Variants in MNAT1 observed in about 807,000 individuals in gnomAD.
MNAT1 encodes the protein CDK-activating kinase assembly factor MAT1.
A neutral mutation model predicts 42.0 loss-of-function variants in MNAT1; 43 were observed. The observed-to-expected ratio is 1.02, with a 90% CI of 0.80 to 1.32. MNAT1 has a LOEUF of 1.32. Among genes scored for constraint, MNAT1 ranks in the 40% most tolerant of loss-of-function variants. The pLI is 0.00. For synonymous variants in MNAT1, 118 were observed against 120.0 expected, an observed-to-expected ratio of 0.98 and a Z score of 0.11; for missense variants, 306 against 350.4, an observed-to-expected ratio of 0.87 and a Z score of 1.01.
intron 6 of MNAT1, among the ~76,000 whole-genome samples, chr14:60,878,877 G>C (rs2034489281): frequency 6.6e-6 from 1 of 152,162 alleles, no homozygotes; most frequent in South Asian, 2.1e-4. Flanking sequence ...GTCTGCAGCT[G>C]ATCTGGGTGC....
intron 6 of MNAT1, 84 bp from the exon 7 acceptor site, chr14:60,879,630 T>G: frequency 7.4e-7 from 1 of 1,350,572 alleles, no homozygotes; most frequent in Non-Finnish European, 1.0e-6. Context: ...GTGAGGAATT[T>G]AATTCATCTT....
chr14:60,780,211 G>C, intron 1 of MNAT1: 1 of 1,458,344 alleles, frequency 6.9e-7, no homozygotes, highest in Non-Finnish European at 9.6e-7. Context: ...GGTTATACAA[G>C]TGTTCAGTTC....
chr14:60,942,762 C>T (rs2036196289), intron 7 of MNAT1, among the ~76,000 whole-genome samples: 1 of 152,038 alleles, frequency 6.6e-6, no homozygotes, highest in African/African-American at 2.4e-5. Context: ...AAAATTAAAG[C>T]TTCTTTAACA....
At chr14:60,797,918 A>G (rs1288575089) in intron 2 of MNAT1, among the ~76,000 whole-genome samples, 169 bp from the exon 3 acceptor site, 2 of 152,222 alleles carry the variant, frequency 1.3e-5, no homozygotes, top group African/African-American at 4.8e-5. Context: ...CAACAGAGCA[A>G]GACTCCATCT....
At chr14:60,749,983 T>C (rs1440740440) in intron 1 of MNAT1, among the ~76,000 whole-genome samples, 1 of 152,198 alleles carries the variant, frequency 6.6e-6, no homozygotes, top group African/African-American at 2.4e-5. Context: ...ATTCCAAAAC[T>C]TACCTCATCC....
chr14:60,923,292 A>G (rs568196588), intron 7 of MNAT1, among the ~76,000 whole-genome samples: 12 of 152,148 alleles, frequency 7.9e-5, no homozygotes, highest in Non-Finnish European at 5.9e-5. Context: ...CCAGAATTTC[A>G]TTTCCAACAA....
At chr14:60,917,281 G>A (rs1014189799) in intron 7 of MNAT1, among the ~76,000 whole-genome samples, 1 of 117,250 alleles carries the variant, frequency 8.5e-6, no homozygotes, top group African/African-American at 3.1e-5. Context: ...GGAATTTTCA[G>A]TTTCTAACCC....
chr14:60,911,366 C>G (rs938568909), intron 7 of MNAT1, among the ~76,000 whole-genome samples: 4 of 152,106 alleles, frequency 2.6e-5, no homozygotes, highest in Non-Finnish European at 4.4e-5. Context: ...CTTCTGCTAG[C>G]TTTTGAATGT....
Position 60,835,327 on chromosome 14 carries a change from G to A in MNAT1, c.687+16480G>A, listed in dbSNP as rs138441752. ...GGTTATTTTGCCCGTTAGTTGAGCA[G>A]TTTCTTCATAGTGTTGATGGTCTTT... On this transcript the variant is annotated intron_variant, in intron 6 of 7. Coordinates refer to ENST00000261245, the MANE Select transcript of MNAT1 (RefSeq NM_002431.4). 1.6e-3 allele frequency among the ~76,000 whole-genome samples: 249 copies of A among 152,256 alleles called. 1 individual carries two copies. Among genetic ancestry groups the A allele is most frequent in the African/African-American group, 5.7e-3 (235 of 41,546 alleles).
chr14:60,817,693 T>A (rs2139362402), intron 5 of MNAT1, among the ~76,000 whole-genome samples: 1 of 152,190 alleles, frequency 6.6e-6, no homozygotes, highest in Non-Finnish European at 1.5e-5. Flanking sequence ...ATCTGTATGT[T>A]TGCTTTGTGC....
intron 7 of MNAT1, among the ~76,000 whole-genome samples, chr14:60,927,392 G>A (rs181216638): frequency 5.3e-5 from 8 of 152,214 alleles, no homozygotes; most frequent in Non-Finnish European, 7.4e-5. Context: ...CAAAGGTAAC[G>A]CATTTTAAAT....
chr14:60,763,285 T>C (rs922250904), intron 1 of MNAT1, among the ~76,000 whole-genome samples: 1 of 152,210 alleles, frequency 6.6e-6, no homozygotes, highest in Non-Finnish European at 1.5e-5. Context: ...GTTAGGACTT[T>C]TTAATAAATG....
intron 7 of MNAT1, among the ~76,000 whole-genome samples, chr14:60,931,154 T>C (rs987318478): frequency 2.6e-5 from 4 of 152,168 alleles, no homozygotes; most frequent in Admixed American, 2.6e-4. Flanking sequence ...ACTTGGCCAC[T>C]GACTTCAGGT....
chr14:60,817,138 T>C (rs1216572647), intron 5 of MNAT1, among the ~76,000 whole-genome samples: 4 of 151,954 alleles, frequency 2.6e-5, no homozygotes, highest in African/African-American at 9.7e-5. Context: ...AATTTATTTT[T>C]CTTTTGTTAG....
intron 6 of MNAT1, among the ~76,000 whole-genome samples, chr14:60,838,557 G>GGCA (rs2033459714): frequency 6.6e-6 from 1 of 152,168 alleles, no homozygotes; most frequent in Admixed American, 6.5e-5. Context: ...TGGAAGGGAT[G>GGCA]GCAGCAGCAG....
intron 6 of MNAT1, among the ~76,000 whole-genome samples, chr14:60,866,027 C>T (rs1183177927): frequency 2.0e-5 from 3 of 152,056 alleles, no homozygotes; most frequent in Non-Finnish European, 4.4e-5. Context: ...AAATGCTTGT[C>T]ATATTCAGTA....
intron 6 of MNAT1, among the ~76,000 whole-genome samples, chr14:60,859,359 A>G (rs1037729436): frequency 2.0e-5 from 3 of 152,160 alleles, no homozygotes; most frequent in African/African-American, 7.2e-5. Flanking sequence ...CTGAGATTCC[A>G]TGAATTTCAT....
intron 7 of MNAT1, among the ~76,000 whole-genome samples, chr14:60,888,188 A>C (rs1594835925): frequency 7.1e-6 from 1 of 140,694 alleles, no homozygotes. Flanking sequence ...ACATTGATGC[A>C]AAAATCCTCA....
intron 3 of MNAT1, among the ~76,000 whole-genome samples, chr14:60,799,640 T>G (rs567683417): frequency 6.6e-6 from 1 of 151,768 alleles, no homozygotes; most frequent in Non-Finnish European, 1.5e-5. Flanking sequence ...GTTTAGGGGA[T>G]GAACTACAAG....
Sources: gnomAD v4.1 joint callset for allele counts (sites outside exome capture counted in the v4.1 genomes callset) on GRCh38, gnomAD v4.1.1 for gene constraint, MANE v1.5 for transcripts, NCBI Gene and HGNC (gene_info 2026-07-23, HGNC 2026-07-21) for gene names.